Variants in GPATCH2 observed in about 807,000 individuals in gnomAD.
The protein encoded by GPATCH2 is G patch domain-containing protein 2.
A neutral mutation model predicts 58.0 loss-of-function variants in GPATCH2; 51 were observed. The ratio of observed to expected loss-of-function variants is 0.88; its 90% CI spans 0.70 to 1.11. GPATCH2 has a LOEUF of 1.11. Among genes scored for constraint, GPATCH2 ranks in the 50% most tolerant of loss-of-function variants. The probability of loss-of-function intolerance (pLI) is 0.00; values close to 1 mark genes in which losing one functional copy is unlikely to be tolerated. For synonymous variants in GPATCH2, 222 were observed against 218.5 expected, an observed-to-expected ratio of 1.02 and a Z score of -0.14; for missense variants, 625 against 652.2, an observed-to-expected ratio of 0.96 and a Z score of 0.45.
intron 7 of GPATCH2, among the ~76,000 whole-genome samples, chr1:217,494,041 G>A (rs1156665092): frequency 6.6e-6 from 1 of 152,088 alleles, no homozygotes; most frequent in Admixed American, 6.5e-5. Flanking sequence ...GTATCTACTA[G>A]GTTTCGATAG....
chr1:217,513,088 G>A (rs545152410), intron 6 of GPATCH2, among the ~76,000 whole-genome samples: 2 of 152,192 alleles, frequency 1.3e-5, no homozygotes, highest in African/African-American at 4.8e-5. Context: ...TCAGGAGTTC[G>A]AGACCAGCCT....
chr1:217,498,750 C>T (rs1571811201), intron 6 of GPATCH2: 1 of 355,218 alleles, frequency 2.8e-6, no homozygotes, highest in Non-Finnish European at 5.2e-6. Flanking sequence ...CATTACAACA[C>T]ATTATGACCC....
chr1:217,596,419 A>C lies in GPATCH2; in HGVS notation c.1098+13902T>G, dbSNP rs1667830816. 2.0e-5 allele frequency among the ~76,000 whole-genome samples: 3 copies of C among 152,216 alleles called. No individual in the cohort carries two copies. In the South Asian group the frequency reaches 6.2e-4, roughly 31 times the overall value. ...AAAATCCTGTGACCTTGAACAAGTC[A>C]TTTAAGGCATTTGTCCCTCAGTTTC... On this transcript the variant is annotated intron_variant, in intron 5 of 9. Transcript: ENST00000366935.
chr1:217,595,938 A>T (rs11577801), intron 5 of GPATCH2, among the ~76,000 whole-genome samples: 61,750 of 151,834 alleles, frequency 0.41, 12,971 homozygotes, highest in Non-Finnish European at 0.45. Context: ...TATATATATA[A>T]AAAAGAAAAC....
intron 3 of GPATCH2, 120 bp downstream of exon 3, chr1:217,614,021 C>G (rs936342091): frequency 1.6e-6 from 1 of 630,480 alleles, no homozygotes; most frequent in Admixed American, 2.6e-5. Flanking sequence ...TCCTAGTTCA[C>G]TAAGTAATAT....
intron 5 of GPATCH2, among the ~76,000 whole-genome samples, chr1:217,523,360 G>C (rs1663577052): frequency 6.6e-6 from 1 of 151,468 alleles, no homozygotes; most frequent in South Asian, 2.1e-4. Flanking sequence ...TTGAGATTAG[G>C]GAGTGGTGAT....
rs1667435390 is a variant in GPATCH2 at position 217,588,307 on chromosome 1, AC to A, written c.1098+22013del. On this transcript the variant is annotated intron_variant, in intron 5 of 9. Coordinates refer to ENST00000366935, the MANE Select transcript of GPATCH2 (RefSeq NM_018040.5). ...CTGGTAGCAATTACCTAATTCTGAT[AC>A]CTGGCTAGCACTGTGTCCAACCATG... is the stretch of plus-strand genomic sequence containing the variant. 3.9e-5 allele frequency among the ~76,000 whole-genome samples: 6 copies of A among 152,284 alleles called. 1 individual carries two copies. Among genetic ancestry groups the A allele is most frequent in the African/African-American group, 1.4e-4 (6 of 41,586 alleles).
chr1:217,496,855 A>G (rs1662035340), intron 7 of GPATCH2, among the ~76,000 whole-genome samples: 1 of 152,196 alleles, frequency 6.6e-6, no homozygotes, highest in African/African-American at 2.4e-5. Flanking sequence ...ATATGTAACA[A>G]GAATTAACTG....
At chr1:217,608,514 T>C (rs1668468548) in intron 5 of GPATCH2, 1 of 984,900 alleles carries the variant, frequency 1.0e-6, no homozygotes, top group Non-Finnish European at 1.2e-6. Context: ...ATAGCTTCTA[T>C]AAAATACCAC....
At position 217,568,999 on chromosome 1, in the gene GPATCH2, A is replaced by G. The variant is rs112254075; in HGVS notation, c.1098+41322T>C. 7.3e-4 allele frequency among the ~76,000 whole-genome samples: 111 copies of G among 152,252 alleles called. 1 individual carries two copies. The highest frequency in any genetic ancestry group is 2.6e-3 in the African/African-American group (107 of 41,530). On this transcript the variant is annotated intron_variant, in intron 5 of 9. Transcript: ENST00000366935. The stretch of plus-strand genomic sequence containing the variant: ...TACATCTGCAAATAGATCCACTAGG[A>G]TTTACTAATGAATTAAAATATTCAT...
chr1:217,518,169 T>C (rs1239381750), intron 5 of GPATCH2, among the ~76,000 whole-genome samples: 2 of 152,182 alleles, frequency 1.3e-5, no homozygotes, highest in Admixed American at 6.5e-5. Flanking sequence ...GCTTTCTAGA[T>C]AACATAACTT....
chr1:217,622,723 T>A (rs968915336), intron 1 of GPATCH2, among the ~76,000 whole-genome samples: 1 of 152,230 alleles, frequency 6.6e-6, no homozygotes, highest in East Asian at 1.9e-4. Context: ...TTTGTATTTT[T>A]TAGTAGAGAC....
intron 6 of GPATCH2, among the ~76,000 whole-genome samples, chr1:217,506,538 C>G (rs536318223): frequency 3.9e-5 from 6 of 152,256 alleles, no homozygotes; most frequent in South Asian, 4.2e-4. Context: ...AAGGAGGATG[C>G]CTTTTGGCCT....
intron 9 of GPATCH2, among the ~76,000 whole-genome samples, chr1:217,442,450 C>A (rs1659186235): frequency 6.6e-6 from 1 of 152,118 alleles, no homozygotes. Flanking sequence ...TGTAACAAGC[C>A]TGCACGTTCT....
At chr1:217,431,488 G>A in intron 9 of GPATCH2, 123 bp from the exon 10 acceptor site, 1 of 648,358 alleles carries the variant, frequency 1.5e-6, no homozygotes, top group Non-Finnish European at 2.8e-6. Flanking sequence ...ACTAGAGGGG[G>A]TTGCGTATTC....
rs200843704 is a variant in GPATCH2, at chr1:217,630,868, A to G, written c.56+48T>C. ...CAGGTCCAGCGGAGCGGCCTCGGGC[A>G]ATCACACCCTTCCCTGACCTCCCCC... On this transcript the variant is annotated intron_variant, in intron 1 of 9. Transcript: ENST00000366935. The G allele has an allele frequency of 3.7e-4, 518 of 1,415,478 alleles. 1 individual carries two copies. In the African/African-American group the frequency reaches 6.9e-3, roughly 19 times the overall value. 87.7% of individuals were successfully genotyped at this position (1,415,478 alleles called of 1,614,324 possible). A position where few individuals can be genotyped will look rare whatever the true frequency, so the allele number is the denominator to read the frequency against.
chr1:217,519,980 GT>G (rs1469581729), intron 5 of GPATCH2, among the ~76,000 whole-genome samples: 10 of 151,962 alleles, frequency 6.6e-5, no homozygotes, highest in Admixed American at 5.2e-4. Context: ...TTTTTTGATT[GT>G]TGTTTTTTAA....
chr1:217,540,677 C>A (rs949618207), intron 5 of GPATCH2, among the ~76,000 whole-genome samples: 2 of 152,088 alleles, frequency 1.3e-5, no homozygotes, highest in Non-Finnish European at 2.9e-5. Flanking sequence ...TCAACAAGTA[C>A]CTACTATTCA....
intron 8 of GPATCH2, among the ~76,000 whole-genome samples, chr1:217,488,566 A>T (rs1441896142): frequency 6.6e-6 from 1 of 151,944 alleles, no homozygotes; most frequent in Admixed American, 6.6e-5. Context: ...CTTCCCTGTC[A>T]TTATATTTCA....
Sources: gnomAD v4.1 joint callset for allele counts (sites outside exome capture counted in the v4.1 genomes callset) on GRCh38, gnomAD v4.1.1 for gene constraint, MANE v1.5 for transcripts, NCBI Gene and HGNC (gene_info 2026-07-23, HGNC 2026-07-21) for gene names.